Variants in GPC4 observed in about 807,000 individuals in gnomAD.
GPC4 encodes the protein glypican 4, also known as glypican-4.
A neutral mutation model predicts 35.0 loss-of-function variants in GPC4; 10 were observed. The observed-to-expected ratio is 0.29, with a 90% CI of 0.18 to 0.48. The LOEUF (loss-of-function observed/expected upper bound fraction) is 0.48, where lower values mean the gene tolerates loss of function less well. GPC4 is among the 20% of genes least tolerant of loss of function. GPC4 has a pLI of 0.99. For missense variants in GPC4, 322 were observed against 451.3 expected (o/e 0.71, Z 2.60); for synonymous variants, 167 against 170.2 (o/e 0.98, Z 0.15).
intron 1 of GPC4, among the ~76,000 whole-genome samples, chrX:133,347,248 GTTTTTTTTTTTTTTTTT>G (rs763800349): frequency 2.2e-3 from 55 of 25,431 alleles, no homozygotes; most frequent in African/African-American, 6.9e-3. Flanking sequence ...TCTATTAGAA[GTTTTTTTTTTTTTTTTT>G]TTTTTTTTTT....
At chrX:133,340,782 C>T (rs935887883) in intron 1 of GPC4, among the ~76,000 whole-genome samples, 7 of 111,619 alleles carry the variant, frequency 6.3e-5, no homozygotes, top group Non-Finnish European at 9.4e-5. Context: ...ATTATATAAT[C>T]ATATATGTTC....
chrX:133,364,303 G>A (rs957319225), intron 1 of GPC4, among the ~76,000 whole-genome samples: 1 of 111,572 alleles, frequency 9.0e-6, no homozygotes, highest in Non-Finnish European at 1.9e-5. Flanking sequence ...CCTAGCAATG[G>A]AATTGCTTGG....
At chrX:133,394,602 G>T (rs771701659) in intron 1 of GPC4, among the ~76,000 whole-genome samples, 1 of 111,370 alleles carries the variant, frequency 9.0e-6, no homozygotes, top group Non-Finnish European at 1.9e-5. Flanking sequence ...TCCCCAGTGT[G>T]CAACTTTTTC....
chrX:133,351,703 C>T (rs1042745469), intron 1 of GPC4, among the ~76,000 whole-genome samples: 1 of 111,466 alleles, frequency 9.0e-6, no homozygotes, highest in Non-Finnish European at 1.9e-5. Flanking sequence ...TAATTAACTA[C>T]ATTTGATTTA....
intron 1 of GPC4, among the ~76,000 whole-genome samples, chrX:133,375,529 A>G (rs1312760658): frequency 8.9e-6 from 1 of 112,140 alleles, no homozygotes; most frequent in Non-Finnish European, 1.9e-5. Context: ...AACTGAGGCA[A>G]TTTCCATTTC....
chrX:133,348,435 G>C (rs781281449), intron 1 of GPC4, among the ~76,000 whole-genome samples: 3 of 112,249 alleles, frequency 2.7e-5, no homozygotes, highest in East Asian at 5.6e-4. Context: ...AAAATTCTGA[G>C]GCTCCTGTAA....
At chrX:133,396,733 C>A (rs1332991614) in intron 1 of GPC4, among the ~76,000 whole-genome samples, 1 of 111,880 alleles carries the variant, frequency 8.9e-6, no homozygotes, top group African/African-American at 3.2e-5. Flanking sequence ...CTGAATTATA[C>A]AGTATTTTTA....
chrX:133,342,032 A>ATTTT (rs975355748), intron 1 of GPC4, among the ~76,000 whole-genome samples: 4 of 72,873 alleles, frequency 5.5e-5, no homozygotes, highest in Non-Finnish European at 5.3e-5. Context: ...TTTTGGCACT[A>ATTTT]TTTTTTTTTT....
chrX:133,362,556 G>A (rs1426981099), intron 1 of GPC4, among the ~76,000 whole-genome samples: 1 of 111,436 alleles, frequency 9.0e-6, no homozygotes, highest in Non-Finnish European at 1.9e-5. Flanking sequence ...ACTGATATTT[G>A]GGGATCATTT....
intron 1 of GPC4, among the ~76,000 whole-genome samples, chrX:133,351,931 T>C (rs964291987): frequency 4.5e-5 from 5 of 112,213 alleles, no homozygotes; most frequent in Non-Finnish European, 7.5e-5. Flanking sequence ...CAAGTGACTC[T>C]TATGTGCCAG....
Position 133,374,005 on chromosome X carries a change from G to C in GPC4, c.161-34664C>G, listed in dbSNP as rs1050601491. 3.4e-4 allele frequency among the ~76,000 whole-genome samples: 38 copies of C among 110,523 alleles called. 1 individual carries two copies. Among genetic ancestry groups the C allele is most frequent in the Non-Finnish European group, 3.2e-4 (17 of 52,856 alleles). On this transcript the variant is annotated intron_variant, in intron 1 of 8. Coordinates refer to ENST00000370828, the MANE Select transcript of GPC4 (RefSeq NM_001448.3). ...TAATGGTACACAGTTAATTTGGGGG[G>C]GTGATAAAAATGTTCTAAATAGACT...
At chrX:133,323,714 G>C (rs1289673267) in intron 3 of GPC4, among the ~76,000 whole-genome samples, 1 of 112,178 alleles carries the variant, frequency 8.9e-6, no homozygotes, top group African/African-American at 3.2e-5. Flanking sequence ...TGCTCACAGA[G>C]ATTAAATGCT....
intron 8 of GPC4, 31 bp downstream of exon 8, chrX:133,303,135 C>T: frequency 1.7e-6 from 2 of 1,207,825 alleles, no homozygotes; most frequent in African/African-American, 3.5e-5. Flanking sequence ...CATACAAGAG[C>T]AATTCGTACT....
chrX:133,370,067 T>C (rs2068605718), intron 1 of GPC4, among the ~76,000 whole-genome samples: 2 of 111,690 alleles, frequency 1.8e-5, no homozygotes, highest in Non-Finnish European at 3.8e-5. Context: ...CATATGAAAA[T>C]AAAATTTCAA....
At chrX:133,307,486 TG>T (rs3216390) in intron 4 of GPC4, among the ~76,000 whole-genome samples, 42,692 of 110,858 alleles carry the variant, frequency 0.39, 6,709 homozygotes, top group African/African-American at 0.6. Flanking sequence ...TAATAACAAA[TG>T]AAGTTTCAGA....
chrX:133,331,757 T>TA (rs10685878), intron 2 of GPC4, among the ~76,000 whole-genome samples: 1,210 of 92,757 alleles, frequency 0.013, 17 homozygotes, highest in African/African-American at 0.035. Context: ...TGAGACTGTC[T>TA]AAAAAAAAAA....
At chrX:133,319,663 T>C (rs186280306) in intron 3 of GPC4, among the ~76,000 whole-genome samples, 42 of 109,940 alleles carry the variant, frequency 3.8e-4, no homozygotes, top group Non-Finnish European at 2.5e-4. Context: ...ACTGTGCTTC[T>C]TGGGCAGGAG....
chrX:133,334,124 A>G (rs1188475839), intron 2 of GPC4, among the ~76,000 whole-genome samples: 2 of 112,240 alleles, frequency 1.8e-5, no homozygotes, highest in Non-Finnish European at 3.8e-5. Flanking sequence ...CACTGAGGTC[A>G]TGCCTTTCAC....
chrX:133,342,032 AT>A (rs975355748), intron 1 of GPC4, among the ~76,000 whole-genome samples: 874 of 72,856 alleles, frequency 0.012, 11 homozygotes, highest in African/African-American at 0.027. Context: ...TTTTGGCACT[AT>A]TTTTTTTTTT....
Sources: allele counts gnomAD v4.1 joint callset (sites outside exome capture counted in the v4.1 genomes callset), GRCh38; gene constraint gnomAD v4.1.1; transcripts MANE v1.5; gene names NCBI Gene and HGNC (gene_info 2026-07-23, HGNC 2026-07-21).